ZFYVE26: variants seen among roughly 807,000 people sequenced by gnomAD.
ZFYVE26 encodes the protein zinc finger FYVE-type containing 26, also known as zinc finger FYVE domain-containing protein 26.
A neutral mutation model predicts 276.5 loss-of-function variants in ZFYVE26; 181 were observed. The ratio of observed to expected loss-of-function variants is 0.65; its 90% CI spans 0.58 to 0.74. The LOEUF (loss-of-function observed/expected upper bound fraction) is 0.74, where lower values mean the gene tolerates loss of function less well. ZFYVE26 is among the 30% of genes least tolerant of loss of function. The probability of loss-of-function intolerance (pLI) is 0.00; values close to 1 mark genes in which losing one functional copy is unlikely to be tolerated. For synonymous variants in ZFYVE26, 1,129 were observed against 1,203.1 expected (o/e 0.94, Z 1.27); for missense variants, 2,821 against 3,097.9 (o/e 0.91, Z 2.12).
intron 13 of ZFYVE26, among the ~76,000 whole-genome samples, chr14:67,740,899 ACT>A (rs1172090944): frequency 3.3e-5 from 5 of 150,426 alleles, no homozygotes; most frequent in Admixed American, 1.3e-4. Context: ...ACAGAGTAAG[ACT>A]CTGTCTCAAA....
chr14:67,807,447 A>C lies in ZFYVE26; in HGVS notation c.837T>G (p.Tyr279Ter), dbSNP rs1594938339. 6.2e-6 allele frequency: 10 copies of C among 1,614,154 alleles called. No homozygotes were observed. Among genetic ancestry groups the C allele is most frequent in the Non-Finnish European group, 8.5e-6 (10 of 1,180,028 alleles). The change falls in exon 5 of 42, where the codon TAT becomes TAG. Residue 279 changes from tyrosine to a stop codon, truncating the protein, a stop_gained. Coordinates refer to ENST00000347230, the MANE Select transcript of ZFYVE26 (RefSeq NM_015346.4). LOFTEE classifies it high-confidence loss of function. ...RGLLSLYGHT[Y>*]AEKVTEKPPR... ...GTGGCTTTTCTGTGACCTTCTCTGC[A>C]TAGGTATGGCCATACAGGGACAGCA... is the stretch of plus-strand genomic sequence containing the variant.
intron 31 of ZFYVE26, among the ~76,000 whole-genome samples, chr14:67,767,050 G>C (rs761062399): frequency 6.6e-6 from 1 of 151,924 alleles, no homozygotes; most frequent in Non-Finnish European, 1.5e-5. Flanking sequence ...TCCTTTCTCT[G>C]GTCCACTAGT....
chr14:67,749,256 T>A (rs2038571378), intron 41 of ZFYVE26, among the ~76,000 whole-genome samples: 1 of 152,216 alleles, frequency 6.6e-6, no homozygotes. Context: ...AAGTTTTTTT[T>A]ATAATCACAG....
intron 41 of ZFYVE26, among the ~76,000 whole-genome samples, chr14:67,749,225 G>T (rs1007573469): frequency 6.6e-6 from 1 of 152,210 alleles, no homozygotes; most frequent in East Asian, 1.9e-4. Context: ...CTATTTTTCT[G>T]TTTTCGGCCA....
chr14:67,729,308 G>C, exon 14 of ZFYVE26: 3 of 1,601,378 alleles, frequency 1.9e-6, no homozygotes, highest in East Asian at 2.2e-5. Flanking sequence ...AAGACGGCAC[G>C]GGAGGGGGCG....
intron 36 of ZFYVE26, 76 bp from the exon 37 acceptor site, chr14:67,755,326 C>A (rs750632994): frequency 6.5e-7 from 1 of 1,531,764 alleles, no homozygotes; most frequent in Non-Finnish European, 9.0e-7. Context: ...GAATTCTCAT[C>A]TGATTTCTGC....
downstream of ZFYVE26, among the ~76,000 whole-genome samples, chr14:67,745,668 A>T (rs1210496804): frequency 6.6e-6 from 1 of 152,036 alleles, no homozygotes; most frequent in African/African-American, 2.4e-5. Flanking sequence ...TCAAAGATTG[A>T]CAATTTGGTT....
At chr14:67,742,838 C>CTTTTTTTTTTTTTTTTTTTT (rs71446342), downstream of ZFYVE26, among the ~76,000 whole-genome samples, 10 of 89,770 alleles carry the variant, frequency 1.1e-4, no homozygotes, top group African/African-American at 2.8e-4. Context: ...TCTTCTTCTT[C>CTTTTTTTTTTTTTTTTTTTT]TTTTTTTTTT....
intron 12 of ZFYVE26, chr14:67,796,220 A>C (rs995927076): frequency 6.9e-6 from 1 of 145,842 alleles, no homozygotes; most frequent in African/African-American, 2.5e-5. Context: ...AGAAGAAAGG[A>C]TTTTTTTTTT....
chr14:67,739,746 G>A (rs1032828203), intron 13 of ZFYVE26, among the ~76,000 whole-genome samples: 7 of 151,900 alleles, frequency 4.6e-5, no homozygotes, highest in Non-Finnish European at 1.0e-4. Context: ...TAATAGTCCT[G>A]GCACACCCTT....
Position 67,754,148 on chromosome 14 carries a change from C to T in ZFYVE26, c.7051G>A (p.Gly2351Arg). 6.2e-7 allele frequency: 1 copy of T among 1,614,208 alleles called. No homozygotes were observed. Among genetic ancestry groups the T allele is most frequent in the East Asian group, 2.2e-5 (1 of 44,892 alleles). The change falls in exon 38 of 42, where the codon GGG becomes AGG. Residue 2351 changes from glycine to arginine, a missense_variant. By Grantham distance (125) the Gly-to-Arg change is moderately radical. Transcript: ENST00000347230. ...TRFLHRCESA[G>R]TSQITTLPLP... is the part of the protein sequence containing the mutation. ...GGCAAAGTGGTGATTTGAGAGGTCC[C>T]AGCACTTTCGCACCGATGCAAGAAC...
In ZFYVE26 at chr14:67,783,063, G is replaced by A. The variant is rs200582127; in HGVS notation, c.4089C>T (p.Phe1363=). The A allele has an allele frequency of 2.5e-6, 4 of 1,614,120 alleles. No individual in the cohort carries two copies. Among genetic ancestry groups the A allele is most frequent in the South Asian group, 1.1e-5 (1 of 91,086 alleles). Residue 1363 remains phenylalanine (F), a synonymous_variant, in exon 21 of 42, where the codon TTC becomes TTT. Coordinates refer to ENST00000347230, the MANE Select transcript of ZFYVE26 (RefSeq NM_015346.4). Reference sequence around the variant, plus strand: ...CCAGGAGGAAGGCCTCAAACAGAGGGAATTGTTCCAGAAGGCGCTCACACT... The same window carrying A: ...CCAGGAGGAAGGCCTCAAACAGAGGAAATTGTTCCAGAAGGCGCTCACACT... ...ARECERLLEQ[F]PLFEAFLLAA... is the part of the protein sequence containing the mutation.
chr14:67,734,940 C>A (rs938519881), intron 13 of ZFYVE26, among the ~76,000 whole-genome samples: 5 of 152,186 alleles, frequency 3.3e-5, no homozygotes, highest in Non-Finnish European at 5.9e-5. Flanking sequence ...GTGGATACTC[C>A]TAACTGCAAT....
intron 40 of ZFYVE26, chr14:67,751,401 ATGAACTTAGTGCAAGCACTAAGTTC>A (rs1479621713): frequency 4.2e-6 from 2 of 477,236 alleles, no homozygotes; most frequent in African/African-American, 3.9e-5. Flanking sequence ...CAAATGGATC[ATGAACTTAGTGCAAGCACTAAGTTC>A]TCACACTAAG....
chr14:67,781,500 C>A lies in ZFYVE26; in HGVS notation c.4402G>T (p.Val1468Leu), dbSNP rs148925506. 1 of 1,614,108 alleles carries A rather than the reference C, an allele frequency of 6.2e-7. No homozygotes were observed. The stretch of plus-strand genomic sequence containing the variant: ...CGACTTCTCAGAGATGCATCCTTCA[C>A]GGGAAACAGGTATTGCCAACCTTCT... The part of the protein sequence containing the change: ...DKEGWQYLFP[V>L]KDASLRSRLA... The change falls in exon 22 of 42, where the codon GTG (valine) becomes TTG (leucine). Residue 1468 changes from valine to leucine, a missense_variant. Physicochemically the swap from Val to Leu is conservative, Grantham distance 32. Transcript: ENST00000347230.
Position 67,797,402 on chromosome 14 carries a change from A to G in ZFYVE26, c.2332+270T>C. ...AGTATAATACATCTGTATATATAAA[A>G]GGATATAAATGAAAAAAGCAAGCTG... On this transcript the variant is annotated intron_variant, in intron 12 of 41. Transcript: ENST00000347230. 3 of 499,554 alleles carry G rather than the reference A, an allele frequency of 6.0e-6. No homozygotes were observed. The South Asian group carries it at 6.4e-5, about 11-fold the overall frequency. The allele number at this position is 499,554 out of a possible 1,614,324, so 30.9% of individuals were successfully genotyped here. A position where few individuals can be genotyped will look rare whatever the true frequency, so the allele number is the denominator to read the frequency against.
intron 35 of ZFYVE26, 178 bp downstream of exon 35, chr14:67,761,188 A>T: frequency 1.4e-6 from 1 of 718,070 alleles, no homozygotes; most frequent in Non-Finnish European, 2.5e-6. Flanking sequence ...AAGACTTTTC[A>T]CACTCACTGA....
chr14:67,807,775 G>A lies in ZFYVE26; in HGVS notation c.509C>T (p.Ala170Val), dbSNP rs144894581. The A allele has an allele frequency of 6.2e-7, 1 of 1,614,086 alleles. No homozygotes were observed. The highest frequency in any genetic ancestry group is 8.5e-7 in the Non-Finnish European group (1 of 1,180,046). ...LLRQSPQPAQ[A>V]LLELLLEEDD... The stretch of plus-strand genomic sequence containing the variant: ...CTCCTCAAGCAGGAGCTCCAGCAGG[G>A]CCTGTGCTGGCTGGGGAGACTGCCT... The change falls in exon 5 of 42, where the codon GCC becomes GTC. Residue 170 changes from alanine (A) to valine (V), a missense_variant. Transcript: ENST00000347230.
chr14:67,733,680 G>C (rs961696799), intron 13 of ZFYVE26: 9 of 1,021,038 alleles, frequency 8.8e-6, no homozygotes, highest in Non-Finnish European at 1.4e-5. Flanking sequence ...CTGAGAAAGG[G>C]ACCATAAAGA....
Sources: gnomAD v4.1 joint callset for allele counts (sites outside exome capture counted in the v4.1 genomes callset) on GRCh38, gnomAD v4.1.1 for gene constraint, MANE v1.5 for transcripts, NCBI Gene and HGNC (gene_info 2026-07-23, HGNC 2026-07-21) for gene names.